Variants in PLSCR1 observed in about 807,000 individuals in gnomAD.
PLSCR1 encodes the protein PL scramblase 1.
PLSCR1 carries 17 observed loss-of-function variants against 37.8 expected under a neutral mutation model. The ratio of observed to expected loss-of-function variants is 0.45; its 90% CI spans 0.31 to 0.68. The LOEUF (loss-of-function observed/expected upper bound fraction) is 0.68, where lower values mean the gene tolerates loss of function less well. Ranked by LOEUF, PLSCR1 falls within the 30% of genes least tolerant of loss-of-function variation. The probability of loss-of-function intolerance (pLI) is 0.06; values close to 1 mark genes in which losing one functional copy is unlikely to be tolerated. For missense variants in PLSCR1, 347 were observed against 380.9 expected (o/e 0.91, Z 0.74); for synonymous variants, 116 against 125.9 (o/e 0.92, Z 0.53).
chr3:146,535,996 C>T (rs1225352492), intron 2 of PLSCR1, among the ~76,000 whole-genome samples: 1 of 152,132 alleles, frequency 6.6e-6, no homozygotes, highest in Non-Finnish European at 1.5e-5. Flanking sequence ...CTCTGTTCTT[C>T]AGAACCTTGA....
At chr3:146,531,787 G>T (rs1576792268) in intron 3 of PLSCR1, among the ~76,000 whole-genome samples, 1 of 152,114 alleles carries the variant, frequency 6.6e-6, no homozygotes, top group Non-Finnish European at 1.5e-5. Flanking sequence ...AGGCTTTGAG[G>T]TACTGCAACT....
At position 146,535,893 on chromosome 3, in the gene PLSCR1, AAG is replaced by A. The variant is rs577022273; in HGVS notation, c.13+645_13+646del. On this transcript the variant is annotated intron_variant, in intron 2 of 8. Coordinates refer to ENST00000342435, the MANE Select transcript of PLSCR1 (RefSeq NM_021105.3). The stretch of plus-strand genomic sequence containing the variant: ...TTTTTTGTTACCTCAACAAAGATGA[AAG>A]AGAGAATAAAGAAAAGCGTTTCAGA... Among the ~76,000 whole-genome samples, 155 of 152,306 alleles carry A rather than the reference AAG, an allele frequency of 1.0e-3. 1 individual carries two copies. The highest frequency in any genetic ancestry group is 3.6e-3 in the African/African-American group (149 of 41,580).
intron 3 of PLSCR1, among the ~76,000 whole-genome samples, chr3:146,531,960 T>C (rs1217263512): frequency 3.9e-5 from 6 of 152,128 alleles, no homozygotes; most frequent in Admixed American, 6.6e-5. Context: ...ACTGACAGTA[T>C]TTACCTCATA....
rs546704955 is a variant in PLSCR1, at chr3:146,515,701, T to C, written c.*344A>G. On this transcript the variant is annotated 3_prime_UTR_variant, in exon 9 of 9. Transcript: ENST00000342435. ...TGAAATAAATTGTAACTAGATTTAA[T>C]AGGACAAGATATAATTTATATAAAA... 7 of 167,484 alleles carry C rather than the reference T, an allele frequency of 4.2e-5. No individual in the cohort carries two copies. Among genetic ancestry groups the C allele is most frequent in the South Asian group, 2.0e-4 (1 of 5,044 alleles). The allele number at this position is 167,484 out of a possible 1,614,324, so 10.4% of individuals were successfully genotyped here.
chr3:146,528,758 A>G lies in PLSCR1; in HGVS notation c.168T>C (p.Pro56=). 1 of 1,614,184 alleles carries G rather than the reference A, an allele frequency of 6.2e-7. No homozygotes were observed. Among genetic ancestry groups the G allele is most frequent in the South Asian group, 1.1e-5 (1 of 91,084 alleles). The change falls in exon 4 of 9, where the codon CCT becomes CCC. Residue 56 remains proline, a synonymous_variant. Coordinates refer to ENST00000342435, the MANE Select transcript of PLSCR1 (RefSeq NM_021105.3). The stretch of plus-strand genomic sequence containing the variant: ...TTGGGACAGGAAAGCCAGCTGGGCC[A>G]GGACCTGAATGGCCGGCTGGTGGGG... The part of the protein sequence containing the change: ...YPPPPAGHSG[P]GPAGFPVPNQ...
chr3:146,523,378 T>C (rs2044059691), intron 5 of PLSCR1, among the ~76,000 whole-genome samples: 1 of 152,188 alleles, frequency 6.6e-6, no homozygotes. Context: ...TAATGCAGGA[T>C]AGTTTATGTG....
intron 1 of PLSCR1, among the ~76,000 whole-genome samples, chr3:146,537,077 G>A (rs1169181631): frequency 6.6e-6 from 1 of 151,394 alleles, no homozygotes; most frequent in Non-Finnish European, 1.5e-5. Context: ...CCTGTTCTTT[G>A]CAAATTTGAG....
chr3:146,526,198 A>G (rs1382502802), intron 4 of PLSCR1, among the ~76,000 whole-genome samples: 2 of 146,848 alleles, frequency 1.4e-5, no homozygotes, highest in Admixed American at 6.7e-5. Flanking sequence ...AAAAAAAAAA[A>G]AAAAAAGAAA....
chr3:146,524,208 C>T (rs1449336987), intron 5 of PLSCR1, among the ~76,000 whole-genome samples: 1 of 152,066 alleles, frequency 6.6e-6, no homozygotes, highest in African/African-American at 2.4e-5. Flanking sequence ...AAATCTCCAG[C>T]TTATTTGTAA....
chr3:146,534,322 C>T (rs1400015463), intron 2 of PLSCR1, among the ~76,000 whole-genome samples: 1 of 152,084 alleles, frequency 6.6e-6, no homozygotes, highest in African/African-American at 2.4e-5. Flanking sequence ...TGCTTTCATA[C>T]AGCTTAAGGT....
At position 146,521,652 on chromosome 3, in the gene PLSCR1, C is replaced by G. The variant is rs2044022358; in HGVS notation, c.630G>C (p.Trp210Cys). The change falls in exon 7 of 9, where the codon TGG becomes TGC. Residue 210 changes from tryptophan to cysteine, a missense_variant. Coordinates refer to ENST00000342435, the MANE Select transcript of PLSCR1 (RefSeq NM_021105.3). Reference sequence around the variant, plus strand: ...TTGTAAACTTTGGTAGACATGGGTGCCAAGTCTGAATAACATAACCTATTG... The same window carrying G: ...TTGTAAACTTTGGTAGACATGGGTGGCAAGTCTGAATAACATAACCTATTG... ...GVPIGYVIQT[W>C]HPCLPKFTIQ... 6.2e-7 allele frequency: 1 copy of G among 1,613,416 alleles called. No individual in the cohort carries two copies. Among genetic ancestry groups the G allele is most frequent in the Admixed American group, 1.7e-5 (1 of 59,982 alleles).
intron 1 of PLSCR1, among the ~76,000 whole-genome samples, chr3:146,542,983 G>C (rs994729403): frequency 1.3e-5 from 2 of 152,046 alleles, no homozygotes; most frequent in Admixed American, 1.3e-4. Context: ...AAGGGTTATG[G>C]GGCACTAACT....
chr3:146,524,551 A>G (rs564307706), intron 5 of PLSCR1, among the ~76,000 whole-genome samples: 3 of 151,918 alleles, frequency 2.0e-5, no homozygotes, highest in South Asian at 2.1e-4. Context: ...TAAAGCCTAT[A>G]AATCTACAAA....
chr3:146,541,151 T>G (rs1219218146), intron 1 of PLSCR1: 2 of 152,152 alleles, frequency 1.3e-5, no homozygotes, highest in Non-Finnish European at 2.9e-5. Flanking sequence ...CAAGGAGCCA[T>G]TCCATAAAAA....
chr3:146,536,393 T>C, intron 2 of PLSCR1, 147 bp downstream of exon 2: 1 of 521,634 alleles, frequency 1.9e-6, no homozygotes. Context: ...GTCAAAATAC[T>C]GAACTAGACA....
At chr3:146,523,080 G>A (rs938001914) in intron 5 of PLSCR1, among the ~76,000 whole-genome samples, 10 of 152,184 alleles carry the variant, frequency 6.6e-5, no homozygotes, top group African/African-American at 2.2e-4. Flanking sequence ...TCAGAGGCCG[G>A]TGCTGGCGCG....
At chr3:146,528,853 T>C (rs778694081) in intron 3 of PLSCR1, 22 bp from the exon 4 acceptor site, 1 of 1,579,518 alleles carries the variant, frequency 6.3e-7, no homozygotes, top group Non-Finnish European at 8.7e-7. Flanking sequence ...ACAAGTGAAA[T>C]GATTTGTAAC....
At chr3:146,528,919 T>G in intron 3 of PLSCR1, 88 bp from the exon 4 acceptor site, 2 of 906,164 alleles carry the variant, frequency 2.2e-6, no homozygotes. Flanking sequence ...ATCTATAAGT[T>G]GACATTTCAG....
chr3:146,525,279 A>C (rs567188968), intron 5 of PLSCR1, among the ~76,000 whole-genome samples: 1 of 152,378 alleles, frequency 6.6e-6, no homozygotes, highest in East Asian at 1.9e-4. Flanking sequence ...TGCCATTCTT[A>C]AGCTGATCAC....
Sources: allele counts gnomAD v4.1 joint callset (sites outside exome capture counted in the v4.1 genomes callset), GRCh38; gene constraint gnomAD v4.1.1; transcripts MANE v1.5; gene names NCBI Gene and HGNC (gene_info 2026-07-23, HGNC 2026-07-21).